The following MAGT1 variants were observed in gnomAD, a reference collection of about 807,000 sequenced individuals.
MAGT1 encodes the protein dolichyl-diphosphooligosaccharide--protein glycosyltransferase subunit MAGT1.
A neutral mutation model predicts 28.4 loss-of-function variants in MAGT1; 4 were observed. The observed-to-expected ratio is 0.14, with a 90% CI of 0.07 to 0.32. The LOEUF is 0.32. Among genes scored for constraint, MAGT1 ranks in the 10% least tolerant of loss-of-function variants. The pLI is 1.00. For missense variants in MAGT1, 193 were observed against 264.5 expected, an observed-to-expected ratio of 0.73 and a Z score of 1.88; for synonymous variants, 89 against 89.7, an observed-to-expected ratio of 0.99 and a Z score of 0.04.
In MAGT1 at chrX:77,845,688, A is replaced by C. The variant is rs868928682; in HGVS notation, c.827-4368T>G. Among the ~76,000 whole-genome samples the C allele has an allele frequency of 5.8e-4, 64 of 111,269 alleles. 1 individual carries two copies. Among genetic ancestry groups the C allele is most frequent in the African/African-American group, 1.5e-3 (46 of 30,605 alleles). ...TCTGTAAAGGATTTTATTTCTCCTTAACTTATGAAGCTTAGTTTGGCTGGA... is the reference window on the plus strand; with the variant it reads ...TCTGTAAAGGATTTTATTTCTCCTTCACTTATGAAGCTTAGTTTGGCTGGA... On this transcript the variant is annotated intron_variant, in intron 7 of 9. Transcript: ENST00000618282.
chrX:77,866,138 G>T lies in MAGT1; in HGVS notation c.390+4670C>A, dbSNP rs1178079023. 3.0e-4 allele frequency among the ~76,000 whole-genome samples: 19 copies of T among 62,361 alleles called. 6 individuals carry two copies. Among genetic ancestry groups the T allele is most frequent in the Non-Finnish European group, 7.7e-4 (18 of 23,319 alleles). 54.2% of individuals were successfully genotyped at this position (62,361 alleles called of 115,157 possible). ...CGCACTCCAGCCTGGGTGACAGCAA[G>T]ACTCCACCTCAATTAAAAAAAAAAA... is the stretch of plus-strand genomic sequence containing the variant. On this transcript the variant is annotated intron_variant, in intron 3 of 9. Transcript: ENST00000618282.
At chrX:77,894,333 T>C (rs1421827470) in intron 1 of MAGT1, among the ~76,000 whole-genome samples, 1 of 112,319 alleles carries the variant, frequency 8.9e-6, no homozygotes, top group Non-Finnish European at 1.9e-5. Context: ...TCTTATGGAA[T>C]AGTTCAAATA....
Position 77,857,438 on chromosome X carries a change from C to T in MAGT1, c.450G>A (p.Arg150=). The T allele has an allele frequency of 8.3e-7, 1 of 1,211,629 alleles. No homozygotes were observed. Among genetic ancestry groups the T allele is most frequent in the Non-Finnish European group, 1.1e-6 (1 of 895,328 alleles). The change falls in exon 4 of 10, where the codon CGG becomes CGA. Residue 150 remains arginine (R), a synonymous_variant. Transcript: ENST00000618282. ...INFPAKGKPK[R]GDTYELQVRG... The stretch of plus-strand genomic sequence containing the variant: ...GCACCTGTAACTCATATGTATCACC[C>T]CGTTTGGGTTTCCCTTTTGCAGGAA...
chrX:77,864,066 C>A (rs1557216675), intron 3 of MAGT1, among the ~76,000 whole-genome samples: 1 of 110,336 alleles, frequency 9.1e-6, no homozygotes, highest in Non-Finnish European at 1.9e-5. Flanking sequence ...ACTACTCCAC[C>A]ATAAAAAAGA....
chrX:77,861,491 G>A (rs924678656), intron 3 of MAGT1, among the ~76,000 whole-genome samples: 1 of 111,746 alleles, frequency 8.9e-6, no homozygotes, highest in Non-Finnish European at 1.9e-5. Flanking sequence ...CAGCATGGAG[G>A]TTCCCCCAAA....
In MAGT1 at chrX:77,855,599, CA is replaced by C. The variant is rs782020657; in HGVS notation, c.673-10del. The C allele has an allele frequency of 5.2e-6, 6 of 1,147,725 alleles. No homozygotes were observed. The highest frequency in any genetic ancestry group is 7.1e-6 in the Non-Finnish European group (6 of 840,209). 94.6% of individuals were successfully genotyped at this position (1,147,725 alleles called of 1,213,427 possible). ...ATAGCAAGCACAAAACACTAGGAAACAAAAAAATAATAAAATATTCATGGTC... is the reference window on the plus strand; with the variant it reads ...ATAGCAAGCACAAAACACTAGGAAACAAAAAATAATAAAATATTCATGGTC... On this transcript the variant is annotated splice_polypyrimidine_tract_variant and intron_variant, in intron 5 of 9. Transcript: ENST00000618282.
intron 7 of MAGT1, among the ~76,000 whole-genome samples, chrX:77,846,807 G>A (rs374933501): frequency 4.5e-5 from 5 of 111,647 alleles, no homozygotes; most frequent in African/African-American, 1.6e-4. Context: ...TTGTTTCAGA[G>A]GAGTACCCGG....
chrX:77,860,126 C>T (rs908893812), intron 3 of MAGT1, among the ~76,000 whole-genome samples: 2 of 111,684 alleles, frequency 1.8e-5, no homozygotes, highest in East Asian at 5.7e-4. Context: ...ACTCTGTTGT[C>T]CAGGCTGGAG....
chrX:77,878,524 A>C (rs193182446), intron 1 of MAGT1, among the ~76,000 whole-genome samples: 10 of 105,157 alleles, frequency 9.5e-5, no homozygotes, highest in Non-Finnish European at 1.8e-4. Context: ...GCAGTGGCTC[A>C]TGCTGTAATC....
At position 77,845,255 on chromosome X, in the gene MAGT1, T is replaced by G. The variant is rs782112343; in HGVS notation, c.827-3935A>C. 1.7e-3 allele frequency among the ~76,000 whole-genome samples: 186 copies of G among 111,542 alleles called. 1 individual carries two copies. Among genetic ancestry groups the G allele is most frequent in the African/African-American group, 6.0e-3 (183 of 30,735 alleles). Reference sequence around the variant, plus strand: ...GTTTAAAGTCTGTTTTATCAGAGACTAGGATTGCAACCCCTGCCTTTGTTT... The same window carrying G: ...GTTTAAAGTCTGTTTTATCAGAGACGAGGATTGCAACCCCTGCCTTTGTTT... On this transcript the variant is annotated intron_variant, in intron 7 of 9. Transcript: ENST00000618282.
At chrX:77,879,024 T>G (rs2077043908) in intron 1 of MAGT1, among the ~76,000 whole-genome samples, 2 of 110,788 alleles carry the variant, frequency 1.8e-5, no homozygotes, top group Non-Finnish European at 3.8e-5. Context: ...CCATCATATT[T>G]ATCATTCCCC....
At chrX:77,856,059 C>T (rs1230697218) in intron 5 of MAGT1, among the ~76,000 whole-genome samples, 3 of 111,126 alleles carry the variant, frequency 2.7e-5, no homozygotes, top group Admixed American at 9.7e-5. Context: ...TGAGCCACTG[C>T]GCCTGGCCAG....
chrX:77,871,090 C>T (rs781884267), intron 2 of MAGT1, among the ~76,000 whole-genome samples, 165 bp from the exon 3 acceptor site: 5 of 112,215 alleles, frequency 4.5e-5, no homozygotes, highest in Non-Finnish European at 9.4e-5. Context: ...AGGGTTAAGA[C>T]AAATCTTGTT....
At chrX:77,857,596 C>A in intron 3 of MAGT1, 99 bp from the exon 4 acceptor site, 3 of 1,025,315 alleles carry the variant, frequency 2.9e-6, no homozygotes, top group Non-Finnish European at 4.1e-6. Flanking sequence ...GATGAGGAGG[C>A]CTGGGTTTAG....
intron 7 of MAGT1, 89 bp from the exon 8 acceptor site, chrX:77,841,409 T>C (rs2076934345): frequency 1.5e-6 from 1 of 657,767 alleles, no homozygotes; most frequent in African/African-American, 2.1e-5. Context: ...AAAATTAAAA[T>C]GAATATATAA....
rs1387470785 is a variant in MAGT1 at position 77,857,378 on chromosome X, G to A, written c.510C>T (p.Ile170=). 3.3e-6 allele frequency: 4 copies of A among 1,209,379 alleles called. No individual in the cohort carries two copies. The highest frequency in any genetic ancestry group is 1.8e-5 in the South Asian group (1 of 56,797). ...GFSAEQIARW[I]ADRTDVNIRV... ...TTACATTGACATCAGTTCTGTCGGC[G>A]ATCCACCGGGCAATCTGCTCAGCTG... Residue 170 remains isoleucine, a synonymous_variant, in exon 4 of 10, where the codon ATC becomes ATT. Transcript: ENST00000618282.
intron 9 of MAGT1, 46 bp downstream of exon 9, chrX:77,830,759 T>G (rs781877568): frequency 4.2e-6 from 3 of 717,804 alleles, no homozygotes; most frequent in Non-Finnish European, 4.2e-6. Flanking sequence ...CTCTAATCAT[T>G]CCAGGTATTG....
In MAGT1 at chrX:77,879,195, T is replaced by A. The variant is rs782441094; in HGVS notation, c.103-3598A>T. On this transcript the variant is annotated intron_variant, in intron 1 of 9. Coordinates refer to ENST00000618282, the MANE Select transcript of MAGT1 (RefSeq NM_001367916.1). ...CCTCAGCCTCCCAAGTAGCTGGGAT[T>A]ACAGGCACACGCCACCACGCCTGGC... Among the ~76,000 whole-genome samples, 879 of 110,017 alleles carry A rather than the reference T, an allele frequency of 8.0e-3. 9 individuals are homozygous for A. Among genetic ancestry groups the A allele is most frequent in the African/African-American group, 0.028 (850 of 30,267 alleles).
At chrX:77,894,069 CATATACTT>C (rs2038109368) in intron 1 of MAGT1, among the ~76,000 whole-genome samples, 1 of 111,918 alleles carries the variant, frequency 8.9e-6, no homozygotes, top group Non-Finnish European at 1.9e-5. Flanking sequence ...TATACATACA[CATATACTT>C]ATATATAGGG....
Sources: gnomAD v4.1 joint callset for allele counts (sites outside exome capture counted in the v4.1 genomes callset) on GRCh38, gnomAD v4.1.1 for gene constraint, MANE v1.5 for transcripts, NCBI Gene and HGNC (gene_info 2026-07-23, HGNC 2026-07-21) for gene names.